IDE: variants seen among roughly 807,000 people sequenced by gnomAD.
The protein encoded by IDE is insulin degrading enzyme.
A neutral mutation model predicts 133.2 loss-of-function variants in IDE; 58 were observed. That is an observed-to-expected ratio of 0.44 (90% CI 0.35 to 0.54). The LOEUF (loss-of-function observed/expected upper bound fraction) is 0.54. Among genes scored for constraint, IDE ranks in the 20% least tolerant of loss-of-function variants. The pLI, the probability that IDE is intolerant of heterozygous loss-of-function variation, is 0.00. For missense variants in IDE, 981 were observed against 1,234.0 expected (o/e 0.79, Z 3.07); for synonymous variants, 396 against 421.3 (o/e 0.94, Z 0.73).
intron 1 of IDE, among the ~76,000 whole-genome samples, chr10:92,540,504 T>C (rs1333864885): frequency 6.6e-6 from 1 of 152,190 alleles, no homozygotes; most frequent in Non-Finnish European, 1.5e-5. Context: ...CCTCCGTGTG[T>C]ACCAAAGAGA....
intron 11 of IDE, among the ~76,000 whole-genome samples, chr10:92,501,468 G>A (rs995826579): frequency 1.4e-5 from 2 of 142,828 alleles, no homozygotes; most frequent in African/African-American, 5.3e-5. Context: ...TCAAGAGATC[G>A]AGACCATCCT....
At chr10:92,470,148 A>C (rs1005821802) in intron 18 of IDE, 106 bp downstream of exon 18, 11 of 695,252 alleles carry the variant, frequency 1.6e-5, no homozygotes, top group Non-Finnish European at 4.8e-6. Context: ...GTAAACTCTA[A>C]TGTGTTCCTT....
chr10:92,482,814 T>C (rs1470074710), intron 14 of IDE, among the ~76,000 whole-genome samples: 1 of 149,588 alleles, frequency 6.7e-6, no homozygotes, highest in East Asian at 1.9e-4. Flanking sequence ...TTTTCTTTTC[T>C]TTTTTTTTTG....
intron 6 of IDE, among the ~76,000 whole-genome samples, chr10:92,509,438 C>T (rs1356557542): frequency 6.6e-6 from 1 of 151,890 alleles, no homozygotes; most frequent in East Asian, 1.9e-4. Context: ...ATTAAAAATA[C>T]AAAAATTAGC....
In IDE at chr10:92,501,360, A is replaced by T. The variant is rs866670055; in HGVS notation, c.1430+3434T>A. On this transcript the variant is annotated intron_variant, in intron 11 of 24. Transcript: ENST00000265986. ...CCGGGCAACAGAGCAAGACTCTGTC[A>T]TTAAAAAAAAAAAAAAAAAAAAAAA... is the stretch of plus-strand genomic sequence containing the variant. Among the ~76,000 whole-genome samples, 435 of 90,968 alleles carry T rather than the reference A, an allele frequency of 4.8e-3. 7 individuals are homozygous for T. The highest frequency in any genetic ancestry group is 0.02 in the African/African-American group (416 of 20,910). 59.7% of individuals were successfully genotyped at this position (90,968 alleles called of 152,430 possible). A position where few individuals can be genotyped will look rare whatever the true frequency, so the allele number is the denominator to read the frequency against.
chr10:92,555,561 C>T (rs1842967875), intron 1 of IDE, among the ~76,000 whole-genome samples: 1 of 150,262 alleles, frequency 6.7e-6, no homozygotes, highest in Admixed American at 6.6e-5. Flanking sequence ...GTAATTGGTT[C>T]AGGAAAAAAA....
At chr10:92,523,336 A>G (rs1849331278) in intron 4 of IDE, among the ~76,000 whole-genome samples, 1 of 151,984 alleles carries the variant, frequency 6.6e-6, no homozygotes, top group African/African-American at 2.4e-5. Flanking sequence ...AGCCGAGATC[A>G]TGCGACCGCA....
At chr10:92,470,826 C>G (rs1419300434) in intron 17 of IDE, among the ~76,000 whole-genome samples, 1 of 152,174 alleles carries the variant, frequency 6.6e-6, no homozygotes, top group Non-Finnish European at 1.5e-5. Flanking sequence ...GCCTTTCTCA[C>G]TGCATTCTAT....
At chr10:92,470,187 G>GA in intron 18 of IDE, 67 bp downstream of exon 18, 1 of 1,060,910 alleles carries the variant, frequency 9.4e-7, no homozygotes, top group Non-Finnish European at 1.4e-6. Flanking sequence ...ACAATCTTGA[G>GA]AAAGACTAGA....
chr10:92,528,326 T>G (rs1440659544), intron 4 of IDE, among the ~76,000 whole-genome samples: 3 of 152,192 alleles, frequency 2.0e-5, no homozygotes, highest in African/African-American at 7.2e-5. Flanking sequence ...TTATTTTTGT[T>G]CATGGATGAG....
Position 92,510,155 on chromosome 10 carries a change from T to C in IDE, c.792A>G (p.Leu264=). The part of the protein sequence containing the change: ...MAVCVLGRES[L]DDLTNLVVKL... ...TTACCACCAGATTAGTCAAGTCATCTAAAGATTCTACAAGAAAACAGACAA... is the reference window on the plus strand; with the variant it reads ...TTACCACCAGATTAGTCAAGTCATCCAAAGATTCTACAAGAAAACAGACAA... The change falls in exon 6 of 25, where the codon TTA becomes TTG. Residue 264 remains leucine, a synonymous_variant. Transcript: ENST00000265986. 3 of 1,507,702 alleles carry C rather than the reference T, an allele frequency of 2.0e-6. No homozygotes were observed. Among genetic ancestry groups the C allele is most frequent in the Non-Finnish European group, 2.8e-6 (3 of 1,088,968 alleles). 93.4% of individuals were successfully genotyped at this position (1,507,702 alleles called of 1,614,324 possible).
chr10:92,560,028 T>C (rs1843203476), intron 1 of IDE, among the ~76,000 whole-genome samples: 1 of 152,196 alleles, frequency 6.6e-6, no homozygotes, highest in African/African-American at 2.4e-5. Context: ...AAAAACTCAA[T>C]TGTTTAAGGG....
At chr10:92,531,004 C>G (rs1372925174) in intron 4 of IDE, among the ~76,000 whole-genome samples, 1 of 152,078 alleles carries the variant, frequency 6.6e-6, no homozygotes, top group African/African-American at 2.4e-5. Flanking sequence ...TTCTTATGTA[C>G]TTTTATAATA....
In IDE at chr10:92,453,449, C is replaced by T. The variant is rs1281537713; in HGVS notation, c.*995G>A. ...TGCTATATAAGAATGCAAGGCTTTA[C>T]TTTTTATATTTCCAAAAAGGTGGCT... On this transcript the variant is annotated 3_prime_UTR_variant, in exon 25 of 25. Coordinates refer to ENST00000265986, the MANE Select transcript of IDE (RefSeq NM_004969.4). 2 of 152,106 alleles carry T rather than the reference C, an allele frequency of 1.3e-5. No homozygotes were observed. The highest frequency in any genetic ancestry group is 2.4e-5 in the African/African-American group (1 of 41,440). The allele number at this position is 152,106 out of a possible 1,614,324, so 9.4% of individuals were successfully genotyped here. A position where few individuals can be genotyped will look rare whatever the true frequency, so the allele number is the denominator to read the frequency against.
intron 4 of IDE, among the ~76,000 whole-genome samples, chr10:92,524,390 T>TTTATATTATAATATA (rs1849438424): frequency 1.1e-5 from 1 of 89,170 alleles, no homozygotes; most frequent in Non-Finnish European, 2.0e-5. Context: ...TATAATATAT[T>TTTATATTATAATATA]TTATATAATA....
At chr10:92,559,737 A>T (rs918213729) in intron 1 of IDE, among the ~76,000 whole-genome samples, 38 of 134,104 alleles carry the variant, frequency 2.8e-4, no homozygotes, top group Middle Eastern at 4.0e-3. Context: ...TGAATGGTAT[A>T]TTTTTTTTTT....
chr10:92,542,053 C>A (rs1333355670), intron 1 of IDE, among the ~76,000 whole-genome samples: 1 of 152,224 alleles, frequency 6.6e-6, no homozygotes, highest in Non-Finnish European at 1.5e-5. Context: ...TTAAGGAAGT[C>A]TATTAAGGTC....
intron 11 of IDE, among the ~76,000 whole-genome samples, chr10:92,503,839 C>T (rs1286326067): frequency 6.6e-6 from 1 of 151,840 alleles, no homozygotes; most frequent in Non-Finnish European, 1.5e-5. Flanking sequence ...CTGTTGCAGC[C>T]TCCCGAGTAG....
intron 1 of IDE, among the ~76,000 whole-genome samples, chr10:92,555,752 T>C (rs1199567564): frequency 6.6e-6 from 1 of 152,190 alleles, no homozygotes; most frequent in Non-Finnish European, 1.5e-5. Flanking sequence ...TGACAGATAA[T>C]GTTTTTACCA....
Sources: gnomAD v4.1 joint callset for allele counts (sites outside exome capture counted in the v4.1 genomes callset) on GRCh38, gnomAD v4.1.1 for gene constraint, MANE v1.5 for transcripts, NCBI Gene and HGNC (gene_info 2026-07-23, HGNC 2026-07-21) for gene names.